The following SIDT1 variants were observed in gnomAD, a reference collection of about 807,000 sequenced individuals.
SIDT1 encodes the protein SID1 transmembrane family, member 1.
In SIDT1, 101 loss-of-function variants were observed where a neutral mutation model predicts 107.5. The ratio of observed to expected loss-of-function variants is 0.94; its 90% CI spans 0.80 to 1.11. The LOEUF (loss-of-function observed/expected upper bound fraction) is 1.11, where lower values mean the gene tolerates loss of function less well. Ranked by LOEUF, SIDT1 falls within the 50% of genes least tolerant of loss-of-function variation. The probability of loss-of-function intolerance (pLI) is 0.00; values close to 1 mark genes in which losing one functional copy is unlikely to be tolerated. For synonymous variants in SIDT1, 395 were observed against 398.2 expected, an observed-to-expected ratio of 0.99 and a Z score of 0.10; for missense variants, 1,076 against 1,058.2, an observed-to-expected ratio of 1.02 and a Z score of -0.23.
chr3:113,569,781 C>A (rs1942270414), intron 3 of SIDT1, among the ~76,000 whole-genome samples: 2 of 152,170 alleles, frequency 1.3e-5, no homozygotes, highest in Non-Finnish European at 2.9e-5. Context: ...GCAATTAAAT[C>A]AGAGGCTGTA....
intron 9 of SIDT1, among the ~76,000 whole-genome samples, chr3:113,587,657 C>A (rs1943842173): frequency 6.6e-6 from 1 of 152,202 alleles, no homozygotes; most frequent in African/African-American, 2.4e-5. Flanking sequence ...TAGATTATCT[C>A]ATCTGATGCC....
chr3:113,607,007 A>G (rs1317680357), intron 14 of SIDT1, 34 bp from the exon 15 acceptor site: 1 of 1,429,430 alleles, frequency 7.0e-7, no homozygotes, highest in Admixed American at 1.7e-5. Context: ...ACGGAGGAAA[A>G]CCACATTTCC....
intron 1 of SIDT1, among the ~76,000 whole-genome samples, chr3:113,559,407 A>AG (rs1208656216): frequency 6.7e-6 from 1 of 149,468 alleles, no homozygotes; most frequent in Non-Finnish European, 1.5e-5. Context: ...ATATCTTTTT[A>AG]CAGGTTCTTT....
At chr3:113,568,479 A>T (rs994568167) in intron 3 of SIDT1, among the ~76,000 whole-genome samples, 2 of 151,928 alleles carry the variant, frequency 1.3e-5, no homozygotes, top group African/African-American at 4.8e-5. Context: ...CTGTAATCCC[A>T]GCTACTCGGG....
intron 6 of SIDT1, among the ~76,000 whole-genome samples, chr3:113,582,046 G>T (rs1390005895): frequency 6.6e-6 from 1 of 152,164 alleles, no homozygotes; most frequent in East Asian, 1.9e-4. Flanking sequence ...GGTGAAGTTT[G>T]TCAGATCCAT....
At chr3:113,600,698 T>C (rs755200146) in intron 10 of SIDT1, among the ~76,000 whole-genome samples, 2 of 152,206 alleles carry the variant, frequency 1.3e-5, no homozygotes, top group Non-Finnish European at 2.9e-5. Flanking sequence ...CATGGCACTG[T>C]TACTGTGCTC....
chr3:113,578,247 C>T (rs1036794386), intron 4 of SIDT1, among the ~76,000 whole-genome samples: 56 of 152,020 alleles, frequency 3.7e-4, no homozygotes, highest in African/African-American at 1.4e-3. Context: ...GGGCAGATCA[C>T]GAGGTCAGGA....
chr3:113,600,301 C>T (rs940290726), intron 10 of SIDT1, among the ~76,000 whole-genome samples: 6 of 151,830 alleles, frequency 4.0e-5, no homozygotes, highest in Non-Finnish European at 8.8e-5. Flanking sequence ...CAAAGTGAGA[C>T]CCTGTCCCAA....
intron 1 of SIDT1, among the ~76,000 whole-genome samples, chr3:113,559,267 G>T (rs141294765): frequency 0.011 from 1,608 of 152,234 alleles, 32 homozygotes; most frequent in Non-Finnish European, 0.012. Flanking sequence ...TTGGCAACTT[G>T]CTGACTGAAG....
At chr3:113,594,444 C>T (rs1944397201) in intron 10 of SIDT1, among the ~76,000 whole-genome samples, 1 of 152,092 alleles carries the variant, frequency 6.6e-6, no homozygotes, top group Non-Finnish European at 1.5e-5. Context: ...TTAGTTTAGG[C>T]CTAGTTGAAC....
chr3:113,571,053 C>G (rs973958029), intron 3 of SIDT1, among the ~76,000 whole-genome samples: 2 of 152,198 alleles, frequency 1.3e-5, no homozygotes, highest in Non-Finnish European at 2.9e-5. Context: ...TTTCTACTTT[C>G]TAGTTAAAAC....
At chr3:113,559,900 T>C (rs1941264395) in intron 1 of SIDT1, among the ~76,000 whole-genome samples, 1 of 152,188 alleles carries the variant, frequency 6.6e-6, no homozygotes, top group Non-Finnish European at 1.5e-5. Flanking sequence ...TCCCCTCCTG[T>C]ATGGTGTTTA....
At chr3:113,623,966 T>C (rs1351678989) in intron 23 of SIDT1, among the ~76,000 whole-genome samples, 2 of 152,216 alleles carry the variant, frequency 1.3e-5, no homozygotes, top group South Asian at 4.1e-4. Context: ...TTGGTCTTCA[T>C]TGCATGTTGT....
intron 24 of SIDT1, 21 bp downstream of exon 24, chr3:113,626,236 T>G: frequency 6.6e-7 from 1 of 1,518,930 alleles, no homozygotes; most frequent in Middle Eastern, 1.7e-4. Context: ...ATCTATCTTT[T>G]TGTGACTTTC....
intron 23 of SIDT1, among the ~76,000 whole-genome samples, chr3:113,625,255 C>T (rs1413401594): frequency 6.6e-6 from 1 of 151,902 alleles, no homozygotes; most frequent in African/African-American, 2.4e-5. Context: ...TCCTGCCTCA[C>T]CCTCCTGAGT....
intron 23 of SIDT1, 37 bp downstream of exon 23, chr3:113,623,770 C>G (rs369596788): frequency 6.3e-6 from 9 of 1,439,538 alleles, no homozygotes; most frequent in South Asian, 1.1e-5. Context: ...AACAACCTCT[C>G]TCTCCAACTT....
intron 18 of SIDT1, 63 bp from the exon 19 acceptor site, chr3:113,612,023 A>G (rs1945787929): frequency 8.5e-6 from 10 of 1,172,068 alleles, no homozygotes; most frequent in Non-Finnish European, 1.3e-5. Flanking sequence ...AGGAGAGAGG[A>G]TGATTTTGAT....
At chr3:113,538,498 A>G (rs932230268) in intron 1 of SIDT1, among the ~76,000 whole-genome samples, 3 of 152,238 alleles carry the variant, frequency 2.0e-5, no homozygotes, top group African/African-American at 7.2e-5. Flanking sequence ...GATATTGAAG[A>G]CCATACAACA....
rs760384676 is a variant in SIDT1 at position 113,603,994 on chromosome 3, A to T, written c.1298A>T (p.Asp433Val). ...TACCTGTCAGATTTGTCCAGGAAGGACCGGAGAATTGTCAGCAAAAAATAT... is the reference window on the plus strand; with the variant it reads ...TACCTGTCAGATTTGTCCAGGAAGGTCCGGAGAATTGTCAGCAAAAAATAT... Reference protein sequence around the residue: ...FLYLSDLSRKDRRIVSKKYKI... With the variant: ...FLYLSDLSRKVRRIVSKKYKI... Residue 433 changes from aspartate to valine, a missense_variant, in exon 13 of 25, where the codon GAC (aspartate) becomes GTC (valine). Physicochemically the swap from Asp to Val is radical, Grantham distance 152. Transcript: ENST00000264852. The T allele has an allele frequency of 6.2e-7, 1 of 1,611,796 alleles. No homozygotes were observed. The highest frequency in any genetic ancestry group is 1.7e-5 in the Admixed American group (1 of 59,878).
Sources: gnomAD v4.1 joint callset for allele counts (sites outside exome capture counted in the v4.1 genomes callset) on GRCh38, gnomAD v4.1.1 for gene constraint, MANE v1.5 for transcripts, NCBI Gene and HGNC (gene_info 2026-07-23, HGNC 2026-07-21) for gene names.